MICU3: variants seen among roughly 807,000 people sequenced by gnomAD.
MICU3 encodes the protein calcium uptake protein 3, mitochondrial.
A neutral mutation model predicts 66.5 loss-of-function variants in MICU3; 62 were observed. The observed-to-expected ratio is 0.93, with a 90% confidence interval of 0.76 to 1.15. The LOEUF (loss-of-function observed/expected upper bound fraction) is 1.15. Among genes scored for constraint, MICU3 ranks in the 50% most tolerant of loss-of-function variants. MICU3 has a pLI of 0.00. For synonymous variants in MICU3, 308 were observed against 240.7 expected, an observed-to-expected ratio of 1.28 and a Z score of -2.59; for missense variants, 779 against 664.4, an observed-to-expected ratio of 1.17 and a Z score of -1.90.
At chr8:17,103,799 T>A (rs1022899898) in intron 9 of MICU3, among the ~76,000 whole-genome samples, 5 of 151,882 alleles carry the variant, frequency 3.3e-5, no homozygotes, top group African/African-American at 4.8e-5. Flanking sequence ...TTTGAAAAAA[T>A]TATAGATCAT....
chr8:17,077,939 T>C, intron 4 of MICU3, 78 bp downstream of exon 4: 3 of 852,394 alleles, frequency 3.5e-6, no homozygotes, highest in Non-Finnish European at 5.2e-6. Flanking sequence ...TTCCCATACC[T>C]AAAATAATTT....
At chr8:17,037,091 G>A (rs1813154164) in intron 1 of MICU3, among the ~76,000 whole-genome samples, 1 of 152,206 alleles carries the variant, frequency 6.6e-6, no homozygotes, top group African/African-American at 2.4e-5. Flanking sequence ...GGGGCCAGCA[G>A]GGCTGGCCGG....
Position 17,104,994 on chromosome 8 carries a change from CAAAAAAAAAAAAAAAAAA to C in MICU3, c.1086-406_1086-389del, listed in dbSNP as rs746149322. ...TGGGCGACAGAGCGAGACTCCGTCTCAAAAAAAAAAAAAAAAAAAAAAAAAAAAAATTCCAGATATCTG... is the reference window on the plus strand; with the variant it reads ...TGGGCGACAGAGCGAGACTCCGTCTCAAAAAAAAAAAATTCCAGATATCTG... On this transcript the variant is annotated intron_variant, in intron 10 of 14. Transcript: ENST00000318063. Among the ~76,000 whole-genome samples the C allele has an allele frequency of 3.4e-4, 3 of 8,724 alleles. 1 individual carries two copies. Among genetic ancestry groups the C allele is most frequent in the Non-Finnish European group, 4.7e-4 (3 of 6,360 alleles). 5.7% of individuals were successfully genotyped at this position (8,724 alleles called of 152,430 possible).
intron 1 of MICU3, among the ~76,000 whole-genome samples, chr8:17,039,642 A>G (rs1275032853): frequency 1.3e-5 from 2 of 152,118 alleles, no homozygotes; most frequent in Non-Finnish European, 2.9e-5. Context: ...TTGGGGCTGG[A>G]CTATTTTATA....
At chr8:17,103,328 C>T (rs1585514801) in intron 9 of MICU3, among the ~76,000 whole-genome samples, 1 of 151,786 alleles carries the variant, frequency 6.6e-6, no homozygotes, top group African/African-American at 2.4e-5. Context: ...GGTCAGCAAC[C>T]ACAGAAGACT....
At position 17,077,827 on chromosome 8, in the gene MICU3, C is replaced by T. The variant is rs1820607657; in HGVS notation, c.612C>T (p.Gly204=). 1 of 1,611,748 alleles carries T rather than the reference C, an allele frequency of 6.2e-7. No individual in the cohort carries two copies. Among genetic ancestry groups the T allele is most frequent in the African/African-American group, 1.3e-5 (1 of 74,826 alleles). The change falls in exon 4 of 15, where the codon GGC becomes GGT. Residue 204 remains glycine, a synonymous_variant. Coordinates refer to ENST00000318063, the MANE Select transcript of MICU3 (RefSeq NM_181723.3). ...MLAETPPVWK[G]SSKLFRNLKE... Reference sequence around the variant, plus strand: ...CAGAAACACCACCAGTTTGGAAAGGCTCATCGAAGCTATTTCGAAATCTTA... The same window carrying T: ...CAGAAACACCACCAGTTTGGAAAGGTTCATCGAAGCTATTTCGAAATCTTA...
chr8:17,040,143 G>A (rs1057256440), intron 1 of MICU3, among the ~76,000 whole-genome samples: 1 of 152,026 alleles, frequency 6.6e-6, no homozygotes, highest in African/African-American at 2.4e-5. Flanking sequence ...CCCGATCTCA[G>A]GTGATCCGCC....
chr8:17,053,647 A>G lies in MICU3; in HGVS notation c.382-10437A>G, dbSNP rs538983339. ...TAAGCTTCTCATCTTAGTTCTGTCA[A>G]CATGACTTAAAGCATCCACCAAGTT... On this transcript the variant is annotated intron_variant, in intron 1 of 14. Transcript: ENST00000318063. Among the ~76,000 whole-genome samples, 15 of 152,314 alleles carry G rather than the reference A, an allele frequency of 9.8e-5. No homozygotes were observed. In the South Asian group the frequency reaches 3.1e-3, roughly 32 times the overall value.
intron 2 of MICU3, among the ~76,000 whole-genome samples, chr8:17,065,498 A>G (rs563442829): frequency 6.6e-6 from 1 of 152,304 alleles, no homozygotes; most frequent in South Asian, 2.1e-4. Flanking sequence ...GCCTTGAGGA[A>G]TTTCTGCTCT....
At chr8:17,130,927 G>GA in the MICU3 span, among the ~76,000 whole-genome samples, 1 of 152,132 alleles carries the variant, frequency 6.6e-6, no homozygotes, top group Non-Finnish European at 1.5e-5. Flanking sequence ...CTGCTGCCTT[G>GA]AAAATATGTA....
chr8:17,053,704 A>G (rs1301134074), intron 1 of MICU3, among the ~76,000 whole-genome samples: 2 of 152,214 alleles, frequency 1.3e-5, no homozygotes, highest in Non-Finnish European at 1.5e-5. Flanking sequence ...AATTTTTATG[A>G]AGAAATCATG....
chr8:17,061,202 C>A (rs947966250), intron 1 of MICU3, among the ~76,000 whole-genome samples: 1 of 151,990 alleles, frequency 6.6e-6, no homozygotes, highest in African/African-American at 2.4e-5. Flanking sequence ...GGACTGCAGG[C>A]TTTGTTAGTT....
intron 1 of MICU3, among the ~76,000 whole-genome samples, chr8:17,047,765 A>ACT (rs1815336437): frequency 6.6e-6 from 1 of 152,192 alleles, no homozygotes; most frequent in African/African-American, 2.4e-5. Context: ...TTCATAAGAG[A>ACT]CTGAGAGTTT....
At chr8:17,068,232 G>A (rs549453867) in intron 2 of MICU3, among the ~76,000 whole-genome samples, 67 of 152,206 alleles carry the variant, frequency 4.4e-4, no homozygotes, top group Admixed American at 1.9e-3. Context: ...CCTTTGAAGA[G>A]CAATCTTAAT....
the MICU3 span, among the ~76,000 whole-genome samples, chr8:17,128,603 T>C: frequency 6.6e-6 from 1 of 152,212 alleles, no homozygotes; most frequent in African/African-American, 2.4e-5. Flanking sequence ...CTATTAGACT[T>C]ATCCTTCTAC....
At position 17,087,016 on chromosome 8, in the gene MICU3, A is replaced by G; in HGVS notation, c.830A>G (p.Glu277Gly). Residue 277 changes from glutamate (E) to glycine (G), a missense_variant, in exon 7 of 15, where the codon GAA (glutamate) becomes GGA (glycine). Physicochemically the swap from Glu to Gly is moderately conservative, Grantham distance 98. Coordinates refer to ENST00000318063, the MANE Select transcript of MICU3 (RefSeq NM_181723.3). ...KNEKREIKGD[E>G]EKRAMLRLQL... ...GAAAAGAGAGAAATTAAAGGAGATG[A>G]AGAAAAGCGTGCAATGCTGGTAAGA... The G allele has an allele frequency of 1.2e-6, 2 of 1,607,276 alleles. No homozygotes were observed.
chr8:17,106,577 G>A (rs1801761940), intron 11 of MICU3, among the ~76,000 whole-genome samples: 1 of 149,554 alleles, frequency 6.7e-6, no homozygotes, highest in East Asian at 1.9e-4. Flanking sequence ...TTATTAAATG[G>A]AAATATTAAA....
Position 17,116,517 on chromosome 8 carries a change from A to T in MICU3, c.1441A>T (p.Ile481Phe). ...SPHLVNTVFKIFDVDKDDQLS... is the reference protein window; with the variant it reads ...SPHLVNTVFKFFDVDKDDQLS... ...ACATTTAGTGAACACTGTCTTCAAG[A>T]TTTTTGATGTTGACAAAGATGATCA... Residue 481 changes from isoleucine to phenylalanine, a missense_variant, in exon 13 of 15, where the codon ATT (isoleucine) becomes TTT (phenylalanine). Coordinates refer to ENST00000318063, the MANE Select transcript of MICU3 (RefSeq NM_181723.3). The T allele has an allele frequency of 6.4e-6, 10 of 1,569,884 alleles. No individual in the cohort carries two copies. The highest frequency in any genetic ancestry group is 8.6e-6 in the Non-Finnish European group (10 of 1,164,416).
chr8:17,104,590 A>G (rs984736845), intron 10 of MICU3, 99 bp downstream of exon 10: 11 of 511,766 alleles, frequency 2.1e-5, no homozygotes, highest in African/African-American at 1.8e-4. Flanking sequence ...CCTCTTTGTT[A>G]CTTTAATTTT....
Sources: allele counts gnomAD v4.1 joint callset (sites outside exome capture counted in the v4.1 genomes callset), GRCh38; gene constraint gnomAD v4.1.1; transcripts MANE v1.5; gene names NCBI Gene and HGNC (gene_info 2026-07-23, HGNC 2026-07-21).